ATXN10: variants seen among roughly 807,000 people sequenced by gnomAD.
The protein encoded by ATXN10 is ataxin-10.
A neutral mutation model predicts 52.9 loss-of-function variants in ATXN10; 28 were observed. The observed-to-expected ratio is 0.53, with a 90% confidence interval of 0.39 to 0.73. The LOEUF is 0.73. Ranked by LOEUF, ATXN10 falls within the 30% of genes least tolerant of loss-of-function variation. The probability of loss-of-function intolerance (pLI) is 0.00; values close to 1 mark genes in which losing one functional copy is unlikely to be tolerated. For missense variants in ATXN10, 565 were observed against 577.0 expected, an observed-to-expected ratio of 0.98 and a Z score of 0.21; for synonymous variants, 226 against 221.5, an observed-to-expected ratio of 1.02 and a Z score of -0.18.
chr22:45,764,229 C>A (rs1926502723), intron 9 of ATXN10, among the ~76,000 whole-genome samples: 1 of 151,816 alleles, frequency 6.6e-6, no homozygotes, highest in Non-Finnish European at 1.5e-5. Flanking sequence ...TCCACCGCTA[C>A]CCCCCAGCCC....
intron 10 of ATXN10, among the ~76,000 whole-genome samples, chr22:45,813,916 A>T (rs970605476): frequency 6.6e-6 from 1 of 152,244 alleles, no homozygotes; most frequent in African/African-American, 2.4e-5. Flanking sequence ...CCAGAAACAG[A>T]TTCACCCACA....
Position 45,837,386 on chromosome 22 carries a change from G to A in ATXN10, c.1238-5605G>A, listed in dbSNP as rs1002595633. On this transcript the variant is annotated intron_variant, in intron 10 of 11. Coordinates refer to ENST00000252934, the MANE Select transcript of ATXN10 (RefSeq NM_013236.4). The surrounding 1 kb of genome is among the most constrained non-coding windows in gnomAD (Gnocchi z 5.8). ...GCGATTTCTCCTGCCTCAGCCTCCCGAGTAGCTGGGACTGCAGGCGGCTCA... is the reference window on the plus strand; with the variant it reads ...GCGATTTCTCCTGCCTCAGCCTCCCAAGTAGCTGGGACTGCAGGCGGCTCA... Among the ~76,000 whole-genome samples, 6 of 151,908 alleles carry A rather than the reference G, an allele frequency of 3.9e-5. No individual in the cohort carries two copies. The highest frequency in any genetic ancestry group is 2.0e-4 in the Admixed American group (3 of 15,246).
rs1014866020 is a variant in ATXN10, at chr22:45,789,960, T to G, written c.1174-16999T>G. Among the ~76,000 whole-genome samples, 1 of 152,150 alleles carries G rather than the reference T, an allele frequency of 6.6e-6. No homozygotes were observed. The highest frequency in any genetic ancestry group is 1.5e-5 in the Non-Finnish European group (1 of 68,022). Reference sequence around the variant, plus strand: ...GAAAATTCATTCCATATTAAGATACTCCAATGAAAGGCCTACATTCATTGT... The same window carrying G: ...GAAAATTCATTCCATATTAAGATACGCCAATGAAAGGCCTACATTCATTGT... On this transcript the variant is annotated intron_variant, in intron 9 of 11. Transcript: ENST00000252934. This position sits in a 1 kb window ranked among gnomAD's most constrained non-coding sequence, Gnocchi z 4.0.
chr22:45,815,598 TC>T (rs1928432732), intron 10 of ATXN10, among the ~76,000 whole-genome samples: 2 of 151,512 alleles, frequency 1.3e-5, no homozygotes, highest in African/African-American at 2.4e-5. Context: ...CCTCCCTCCT[TC>T]CCTGCCTTCC....
In ATXN10 at chr22:45,775,781, A is replaced by G. The variant is rs1926931879; in HGVS notation, c.1174-31178A>G. On this transcript the variant is annotated intron_variant, in intron 9 of 11. Transcript: ENST00000252934. This position sits in a 1 kb window ranked among gnomAD's most constrained non-coding sequence, Gnocchi z 4.7. Reference sequence around the variant, plus strand: ...CCTCATGTCATGACCTGGGTCTCCGATTTATTTAGCACGGTAGCACCAATA... The same window carrying G: ...CCTCATGTCATGACCTGGGTCTCCGGTTTATTTAGCACGGTAGCACCAATA... Among the ~76,000 whole-genome samples, 1 of 152,186 alleles carries G rather than the reference A, an allele frequency of 6.6e-6. No individual in the cohort carries two copies.
At position 45,823,407 on chromosome 22, in the gene ATXN10, A is replaced by G. The variant is rs1928717060; in HGVS notation, c.1237+16385A>G. 3.2e-6 allele frequency: 1 copy of G among 314,760 alleles called. No homozygotes were observed. Among genetic ancestry groups the G allele is most frequent in the South Asian group, 2.6e-5 (1 of 38,602 alleles). The allele number at this position is 314,760 out of a possible 1,614,324, so 19.5% of individuals were successfully genotyped here. A position where few individuals can be genotyped will look rare whatever the true frequency, so the allele number is the denominator to read the frequency against. ...TAATCTATCAGAATTGTAATTATTT[A>G]TGATGTACAGTAGGGATTCTGTCTT... On this transcript the variant is annotated intron_variant, in intron 10 of 11. Coordinates refer to ENST00000252934, the MANE Select transcript of ATXN10 (RefSeq NM_013236.4). This position sits in a 1 kb window ranked among gnomAD's most constrained non-coding sequence, Gnocchi z 4.9.
intron 4 of ATXN10, 121 bp from the exon 5 acceptor site, chr22:45,702,568 C>A: frequency 1.2e-6 from 1 of 846,706 alleles, no homozygotes; most frequent in Non-Finnish European, 1.9e-6. Context: ...TTTTAAAGTG[C>A]TATAATTCTA....
At chr22:45,751,135 T>C (rs1925932164) in intron 9 of ATXN10, among the ~76,000 whole-genome samples, 1 of 152,180 alleles carries the variant, frequency 6.6e-6, no homozygotes, top group Non-Finnish European at 1.5e-5. Flanking sequence ...TTCACCATGT[T>C]GCCCAGGCTG....
At chr22:45,672,211 C>G in intron 1 of ATXN10, 32 bp downstream of exon 1, 2 of 1,483,450 alleles carry the variant, frequency 1.3e-6, no homozygotes, top group Non-Finnish European at 8.9e-7. Context: ...CTGCCCCGGG[C>G]AGGGGAGGGC....
At chr22:45,802,914 A>G in intron 9 of ATXN10, among the ~76,000 whole-genome samples, 1 of 152,226 alleles carries the variant, frequency 6.6e-6, no homozygotes, top group East Asian at 1.9e-4. Context: ...GGTTTTTGAA[A>G]ATAAATTTGA....
intron 1 of ATXN10, chr22:45,672,989 T>G (rs910345556): frequency 7.9e-5 from 12 of 152,316 alleles, no homozygotes; most frequent in Admixed American, 6.5e-4. Flanking sequence ...CAATGCTTGT[T>G]TGATCTTGTT....
At chr22:45,812,211 T>C (rs980910997) in intron 10 of ATXN10, among the ~76,000 whole-genome samples, 2 of 152,186 alleles carry the variant, frequency 1.3e-5, no homozygotes, top group African/African-American at 4.8e-5. Flanking sequence ...ACTTGTTCTG[T>C]TCCTTCAGCT....
Position 45,819,081 on chromosome 22 carries a change from A to T in ATXN10, c.1237+12059A>T, listed in dbSNP as rs1928561684. The stretch of plus-strand genomic sequence containing the variant: ...GCTTAAGAAAGTATTTTAAATTTAG[A>T]AGCTACATGCAATACTTGTTTTTCA... On this transcript the variant is annotated intron_variant, in intron 10 of 11. Transcript: ENST00000252934. This position sits in a 1 kb window ranked among gnomAD's most constrained non-coding sequence, Gnocchi z 4.5. Among the ~76,000 whole-genome samples, 1 of 152,158 alleles carries T rather than the reference A, an allele frequency of 6.6e-6. No individual in the cohort carries two copies. Among genetic ancestry groups the T allele is most frequent in the African/African-American group, 2.4e-5 (1 of 41,430 alleles).
At chr22:45,704,456 G>A (rs142528117) in intron 5 of ATXN10, among the ~76,000 whole-genome samples, 55 of 151,960 alleles carry the variant, frequency 3.6e-4, no homozygotes, top group South Asian at 1.9e-3. Flanking sequence ...TTAAATTTTC[G>A]TCAGTTATGT....
intron 9 of ATXN10, among the ~76,000 whole-genome samples, chr22:45,803,946 G>C (rs1266074655): frequency 1.3e-5 from 2 of 152,108 alleles, no homozygotes; most frequent in Admixed American, 1.3e-4. Context: ...CTCCATGCCA[G>C]TGCTTCCTAA....
Position 45,837,090 on chromosome 22 carries a change from G to T in ATXN10, c.1238-5901G>T, listed in dbSNP as rs1172398879. Reference sequence around the variant, plus strand: ...AAAGAGTTTTAAAATATATGTCCTGGATGCGAAAACAATGCAGATATTACA... The same window carrying T: ...AAAGAGTTTTAAAATATATGTCCTGTATGCGAAAACAATGCAGATATTACA... On this transcript the variant is annotated intron_variant, in intron 10 of 11. Coordinates refer to ENST00000252934, the MANE Select transcript of ATXN10 (RefSeq NM_013236.4). The surrounding 1 kb of genome is among the most constrained non-coding windows in gnomAD (Gnocchi z 5.8). Among the ~76,000 whole-genome samples the T allele has an allele frequency of 6.6e-6, 1 of 152,006 alleles. No homozygotes were observed. Among genetic ancestry groups the T allele is most frequent in the Non-Finnish European group, 1.5e-5 (1 of 68,028 alleles).
In ATXN10 at chr22:45,826,534, G is replaced by C. The variant is rs1264330512; in HGVS notation, c.1238-16457G>C. Reference sequence around the variant, plus strand: ...AGAGATAAAGAGAATCTTAAAAGCAGCAAGGAAGAAGCAGCCCATCACATG... The same window carrying C: ...AGAGATAAAGAGAATCTTAAAAGCACCAAGGAAGAAGCAGCCCATCACATG... On this transcript the variant is annotated intron_variant, in intron 10 of 11. Transcript: ENST00000252934. This position sits in a 1 kb window ranked among gnomAD's most constrained non-coding sequence, Gnocchi z 5.0. Among the ~76,000 whole-genome samples the C allele has an allele frequency of 6.6e-6, 1 of 152,190 alleles. No individual in the cohort carries two copies. Among genetic ancestry groups the C allele is most frequent in the Non-Finnish European group, 1.5e-5 (1 of 68,030 alleles).
chr22:45,760,863 CTGA>C (rs1926363493), intron 9 of ATXN10, among the ~76,000 whole-genome samples: 1 of 152,092 alleles, frequency 6.6e-6, no homozygotes, highest in Non-Finnish European at 1.5e-5. Context: ...CCCATCCTCA[CTGA>C]TAAGAGCCCC....
At position 45,833,317 on chromosome 22, in the gene ATXN10, A is replaced by G. The variant is rs1471804335; in HGVS notation, c.1238-9674A>G. Among the ~76,000 whole-genome samples, 1 of 152,144 alleles carries G rather than the reference A, an allele frequency of 6.6e-6. No individual in the cohort carries two copies. Among genetic ancestry groups the G allele is most frequent in the Non-Finnish European group, 1.5e-5 (1 of 68,008 alleles). On this transcript the variant is annotated intron_variant, in intron 10 of 11. Transcript: ENST00000252934. The surrounding 1 kb of genome is among the most constrained non-coding windows in gnomAD (Gnocchi z 4.3). ...GGTGAGGAGGCAGGTCAGGATGGCCATGGTAACTAATGCCATTGGAGCAAG... is the reference window on the plus strand; with the variant it reads ...GGTGAGGAGGCAGGTCAGGATGGCCGTGGTAACTAATGCCATTGGAGCAAG...
Sources: gnomAD v4.1 joint callset for allele counts (sites outside exome capture counted in the v4.1 genomes callset) on GRCh38, gnomAD v4.1.1 for gene constraint, Gnocchi (gnomAD v3.1) non-coding constraint, MANE v1.5 for transcripts, NCBI Gene and HGNC (gene_info 2026-07-23, HGNC 2026-07-21) for gene names.